VWA5B2: variants seen among roughly 807,000 people sequenced by gnomAD.
VWA5B2 encodes von Willebrand factor A domain-containing protein 5B2.
In VWA5B2, 93 loss-of-function variants were observed where a neutral mutation model predicts 118.5. The observed-to-expected ratio is 0.79, with a 90% confidence interval of 0.66 to 0.93. The LOEUF is 0.93. Among genes scored for constraint, VWA5B2 ranks in the 40% least tolerant of loss-of-function variants. The probability of loss-of-function intolerance (pLI) is 0.00; values close to 1 mark genes in which losing one functional copy is unlikely to be tolerated. For synonymous variants in VWA5B2, 708 were observed against 716.3 expected (o/e 0.99, Z 0.19); for missense variants, 1,546 against 1,672.8 (o/e 0.92, Z 1.32).
In VWA5B2 at chr3:184,237,435, A is replaced by AG. The variant is rs1308529677; in HGVS notation, c.1719+30dup. The AG allele has an allele frequency of 3.2e-5, 49 of 1,523,572 alleles. No individual in the cohort carries two copies. In the Admixed American group the frequency reaches 9.1e-4, roughly 28 times the overall value. The allele number at this position is 1,523,572 out of a possible 1,614,324, so 94.4% of individuals were successfully genotyped here. A position where few individuals can be genotyped will look rare whatever the true frequency, so the allele number is the denominator to read the frequency against. ...GGGTAAGCTTGGGCTGGGGTGTGGTAGGGGGGCTAGGGTGAGGTAGGGGGG... is the reference window on the plus strand; with the variant it reads ...GGGTAAGCTTGGGCTGGGGTGTGGTAGGGGGGGCTAGGGTGAGGTAGGGGGG... On this transcript the variant is annotated intron_variant, in intron 12 of 19. Coordinates refer to ENST00000691901, the MANE Select transcript of VWA5B2 (RefSeq NM_001390846.1). This position sits in a 1 kb window ranked among gnomAD's most constrained non-coding sequence, Gnocchi z 5.6.
chr3:184,241,395 C>T lies in VWA5B2; in HGVS notation c.3171C>T (p.Tyr1057=). 4 of 1,580,760 alleles carry T rather than the reference C, an allele frequency of 2.5e-6. No individual in the cohort carries two copies. The highest frequency in any genetic ancestry group is 2.6e-6 in the Non-Finnish European group (3 of 1,163,106). Reference sequence around the variant, plus strand: ...ACAGTGAAGGCAGCGACCATGACTACCTGCCCTTGGTGAGGACTCGGGAGG... The same window carrying T: ...ACAGTGAAGGCAGCGACCATGACTATCTGCCCTTGGTGAGGACTCGGGAGG... ...ANNSEGSDHD[Y]LPLVRLQEAP... is the part of the protein sequence containing the mutation. Residue 1057 remains tyrosine, a synonymous_variant, in exon 19 of 20, where the codon TAC becomes TAT. Coordinates refer to ENST00000691901, the MANE Select transcript of VWA5B2 (RefSeq NM_001390846.1). The surrounding 1 kb of genome is among the most constrained non-coding windows in gnomAD (Gnocchi z 5.1).
chr3:184,238,683 C>G lies in VWA5B2; in HGVS notation c.2012C>G (p.Ser671Cys), dbSNP rs761970384. 1 of 1,551,378 alleles carries G rather than the reference C, an allele frequency of 6.4e-7. No individual in the cohort carries two copies. The highest frequency in any genetic ancestry group is 1.2e-5 in the South Asian group (1 of 84,068). Residue 671 changes from serine to cysteine, a missense_variant, in exon 14 of 20, where the codon TCT becomes TGT. Coordinates refer to ENST00000691901, the MANE Select transcript of VWA5B2 (RefSeq NM_001390846.1). This position sits in a 1 kb window ranked among gnomAD's most constrained non-coding sequence, Gnocchi z 5.0. ...GAGCAGTATGTGCTCACCCACTGCT[C>G]TGCCAGCCCCGAGCCAGGCCCAGGC... ...IREQYVLTHC[S>C]ASPEPGPGST...
Position 184,230,647 on chromosome 3 carries a change from C to T in VWA5B2, c.119C>T (p.Pro40Leu). 1.5e-6 allele frequency: 2 copies of T among 1,330,720 alleles called. No homozygotes were observed. The highest frequency in any genetic ancestry group is 1.9e-6 in the Non-Finnish European group (2 of 1,043,768). 82.4% of individuals were successfully genotyped at this position (1,330,720 alleles called of 1,614,324 possible). ...CGGGCCCGGCTCACCTACCGCAACC[C>T]GCAGCCGCAGCCGGTGGACGGTGAG... is the stretch of plus-strand genomic sequence containing the variant. Reference protein sequence around the residue: ...SVRARLTYRNPQPQPVDGVFV... With the variant: ...SVRARLTYRNLQPQPVDGVFV... Residue 40 changes from proline to leucine, a missense_variant, in exon 2 of 20, where the codon CCG (proline) becomes CTG (leucine). Around this residue, in one of 3 missense-constraint regions of VWA5B2, gnomAD observed 775 missense variants for 882.3 expected, o/e 0.88. Coordinates refer to ENST00000691901, the MANE Select transcript of VWA5B2 (RefSeq NM_001390846.1).
At chr3:184,231,276 G>T (rs950156441) in intron 3 of VWA5B2, among the ~76,000 whole-genome samples, 5 of 152,204 alleles carry the variant, frequency 3.3e-5, no homozygotes, top group African/African-American at 1.2e-4. Flanking sequence ...ACCTCAATCC[G>T]GCCCCGCGTG....
intron 7 of VWA5B2, 192 bp downstream of exon 7, chr3:184,234,947 G>A (rs1717815501): frequency 1.8e-6 from 2 of 1,112,202 alleles, no homozygotes; most frequent in Non-Finnish European, 2.5e-6. Flanking sequence ...ATCTCTCTGG[G>A]GTGTGTCTCA....
rs1460407677 is a variant in VWA5B2 at position 184,239,767 on chromosome 3, G to A, written c.2471G>A (p.Ser824Asn). 8.5e-6 allele frequency: 13 copies of A among 1,532,174 alleles called. No homozygotes were observed. The highest frequency in any genetic ancestry group is 2.0e-5 in the Admixed American group (1 of 49,808). The allele number at this position is 1,532,174 out of a possible 1,614,324, so 94.9% of individuals were successfully genotyped here. ...PPFLFTAVPP[S>N]GELAPPAVPP... The stretch of plus-strand genomic sequence containing the variant: ...TTCTTATTCACGGCTGTGCCTCCTA[G>A]TGGGGAGTTGGCCCCTCCAGCAGTG... Residue 824 changes from serine (S) to asparagine (N), a missense_variant, in exon 16 of 20, where the codon AGT (serine) becomes AAT (asparagine). Physicochemically the swap from Ser to Asn is conservative, Grantham distance 46. Transcript: ENST00000691901. The surrounding 1 kb of genome is among the most constrained non-coding windows in gnomAD (Gnocchi z 5.1).
chr3:184,239,484 C>G lies in VWA5B2; in HGVS notation c.2293C>G (p.Gln765Glu). ...CTCATCCCCTCCAGGCCGGGCAAACCAAGTCCCCGGCCGACCCCGGAAACC... is the reference window on the plus strand; with the variant it reads ...CTCATCCCCTCCAGGCCGGGCAAACGAAGTCCCCGGCCGACCCCGGAAACC... ...SLSSPPGRAN[Q>E]VPGRPRKPSL... The change falls in exon 15 of 20, where the codon CAA becomes GAA. Residue 765 changes from glutamine to glutamate, a missense_variant. Transcript: ENST00000691901. This position sits in a 1 kb window ranked among gnomAD's most constrained non-coding sequence, Gnocchi z 5.1. 1 of 1,550,218 alleles carries G rather than the reference C, an allele frequency of 6.5e-7. No homozygotes were observed. The highest frequency in any genetic ancestry group is 8.7e-7 in the Non-Finnish European group (1 of 1,146,580).
intron 3 of VWA5B2, 37 bp downstream of exon 3, chr3:184,230,954 C>T: frequency 8.3e-7 from 1 of 1,208,810 alleles, no homozygotes; most frequent in Non-Finnish European, 1.0e-6. Context: ...CTCCTGAAAG[C>T]CGGGCGCAGC....
chr3:184,230,430 T>G lies in VWA5B2; in HGVS notation c.-99T>G. On this transcript the variant is annotated 5_prime_UTR_variant, in exon 2 of 20. Coordinates refer to ENST00000691901, the MANE Select transcript of VWA5B2 (RefSeq NM_001390846.1). ...GGCAGGCCCCGTCCGGGTGCTGGAG[T>G]GAGACTCTCGCGCTGGCCTCTGGAG... 7.0e-6 allele frequency: 9 copies of G among 1,288,590 alleles called. No individual in the cohort carries two copies. Among genetic ancestry groups the G allele is most frequent in the South Asian group, 3.8e-5 (2 of 52,172 alleles). 79.8% of individuals were successfully genotyped at this position (1,288,590 alleles called of 1,614,324 possible). A position where few individuals can be genotyped will look rare whatever the true frequency, so the allele number is the denominator to read the frequency against.
intron 5 of VWA5B2, among the ~76,000 whole-genome samples, chr3:184,234,031 G>A (rs751987813): frequency 6.6e-6 from 1 of 152,272 alleles, no homozygotes; most frequent in African/African-American, 2.4e-5. Flanking sequence ...CACAGAAGGT[G>A]GGGGGTGAAT....
Position 184,237,280 on chromosome 3 carries a change from G to T in VWA5B2, c.1588G>T (p.Asp530Tyr), listed in dbSNP as rs1246039316. 2.6e-6 allele frequency: 4 copies of T among 1,551,544 alleles called. No individual in the cohort carries two copies. In the African/African-American group the frequency reaches 4.1e-5, roughly 16 times the overall value. ...LEPALSDISV[D>Y]WFVPDTVEAL... is the part of the protein sequence containing the mutation. ...GCCTGCTTTGAGTGACATCTCTGTG[G>T]ACTGGTTTGTGCCCGACACTGTGGA... Residue 530 changes from aspartate to tyrosine, a missense_variant, in exon 12 of 20, where the codon GAC becomes TAC. Transcript: ENST00000691901. The surrounding 1 kb of genome is among the most constrained non-coding windows in gnomAD (Gnocchi z 5.6).
chr3:184,229,862 T>C (rs972446932), intron 1 of VWA5B2, among the ~76,000 whole-genome samples, 149 bp downstream of exon 1: 3 of 152,004 alleles, frequency 2.0e-5, no homozygotes, highest in African/African-American at 7.2e-5. Flanking sequence ...TCCCACGGAC[T>C]CTCCCTGGCC....
chr3:184,232,883 G>A (rs566123746), intron 3 of VWA5B2: 2 of 483,374 alleles, frequency 4.1e-6, no homozygotes, highest in South Asian at 5.6e-5. Flanking sequence ...GGCAGAGGGT[G>A]TGGGTATTCC....
chr3:184,232,041 C>T (rs906860543), intron 3 of VWA5B2, among the ~76,000 whole-genome samples: 3 of 152,132 alleles, frequency 2.0e-5, no homozygotes, highest in Non-Finnish European at 1.5e-5. Flanking sequence ...AATAAAATAT[C>T]TCATGTTTAT....
rs1041492832 is a variant in VWA5B2, at chr3:184,239,463, T to C, written c.2272T>C (p.Ser758Pro). Residue 758 changes from serine (S) to proline (P), a missense_variant, in exon 15 of 20, where the codon TCC becomes CCC. Ser to Pro is a moderately conservative substitution (Grantham distance 74). Around this residue, in one of 3 missense-constraint regions of VWA5B2, gnomAD observed 763 missense variants for 766.6 expected, o/e 1.00. Transcript: ENST00000691901. The surrounding 1 kb of genome is among the most constrained non-coding windows in gnomAD (Gnocchi z 5.1). ...RAALAGRSLS[S>P]PPGRANQVPG... ...GGCTCTGGCTGGCCGAAGCCTCTCA[T>C]CCCCTCCAGGCCGGGCAAACCAAGT... The C allele has an allele frequency of 1.3e-6, 2 of 1,549,902 alleles. No individual in the cohort carries two copies. Among genetic ancestry groups the C allele is most frequent in the Non-Finnish European group, 1.7e-6 (2 of 1,146,510 alleles).
At chr3:184,235,455 G>A in intron 8 of VWA5B2, 147 bp downstream of exon 8, 3 of 946,982 alleles carry the variant, frequency 3.2e-6, no homozygotes, top group Non-Finnish European at 3.1e-6. Flanking sequence ...AACTCCTCAG[G>A]GGATTCCCTT....
At position 184,237,482 on chromosome 3, in the gene VWA5B2, GCA is replaced by G. The variant is rs1473854102; in HGVS notation, c.1719+72_1719+73del. ...GGGGCCTGGGATGGCTGAAGTCCCC[GCA>G]TCTCTTCCAAACCCTTTTTCCATTC... On this transcript the variant is annotated intron_variant, in intron 12 of 19. Coordinates refer to ENST00000691901, the MANE Select transcript of VWA5B2 (RefSeq NM_001390846.1). The surrounding 1 kb of genome is among the most constrained non-coding windows in gnomAD (Gnocchi z 5.6). 1.2e-5 allele frequency: 17 copies of G among 1,431,434 alleles called. No individual in the cohort carries two copies. The highest frequency in any genetic ancestry group is 1.5e-5 in the Non-Finnish European group (16 of 1,061,232). The allele number at this position is 1,431,434 out of a possible 1,614,324, so 88.7% of individuals were successfully genotyped here.
intron 1 of VWA5B2, among the ~76,000 whole-genome samples, 132 bp from the exon 2 acceptor site, chr3:184,230,248 G>A (rs987120566): frequency 6.6e-6 from 1 of 152,182 alleles, no homozygotes; most frequent in Non-Finnish European, 1.5e-5. Flanking sequence ...GCCGCGGCGG[G>A]ACTGCTGGGC....
rs139488552 is a variant in VWA5B2 at position 184,231,942 on chromosome 3, A to G, written c.310+1025A>G. The stretch of plus-strand genomic sequence containing the variant: ...CAGAAGGAGGTAGAGCCAGCATTTG[A>G]CTGCAAGAAAGGGTAGGACTCAGTT... On this transcript the variant is annotated intron_variant, in intron 3 of 19. Coordinates refer to ENST00000691901, the MANE Select transcript of VWA5B2 (RefSeq NM_001390846.1). 5.6e-3 allele frequency among the ~76,000 whole-genome samples: 854 copies of G among 152,306 alleles called. 5 individuals are homozygous for G. Among genetic ancestry groups the G allele is most frequent in the Non-Finnish European group, 9.2e-3 (625 of 68,030 alleles).
Sources: gnomAD v4.1 joint callset for allele counts (sites outside exome capture counted in the v4.1 genomes callset) on GRCh38, gnomAD v4.1.1 for gene constraint, gnomAD v4.1.1 regional missense constraint, Gnocchi (gnomAD v3.1) non-coding constraint, MANE v1.5 for transcripts, NCBI Gene and HGNC (gene_info 2026-07-23, HGNC 2026-07-21) for gene names.